Variants in MTMR8 observed in about 807,000 individuals in gnomAD.
The protein encoded by MTMR8 is myotubularin related protein 8.
In MTMR8, 65 loss-of-function variants were observed where a neutral mutation model predicts 39.3. The observed-to-expected ratio is 1.65, with a 90% CI of 1.35 to 2.03. The LOEUF (loss-of-function observed/expected upper bound fraction) is 2.03, where lower values mean the gene tolerates loss of function less well. Among genes scored for constraint, MTMR8 ranks in the 30% most tolerant of loss-of-function variants. The probability of loss-of-function intolerance (pLI) is 0.00; values close to 1 mark genes in which losing one functional copy is unlikely to be tolerated. For synonymous variants in MTMR8, 245 were observed against 185.2 expected (o/e 1.32, Z -2.62); for missense variants, 777 against 538.9 (o/e 1.44, Z -4.37).
intron 8 of MTMR8, among the ~76,000 whole-genome samples, chrX:64,338,123 C>T (rs1923123163): frequency 8.9e-6 from 1 of 111,913 alleles, no homozygotes; most frequent in African/African-American, 3.2e-5. Flanking sequence ...TAACAATATT[C>T]TTTTGCAGGA....
intron 10 of MTMR8, among the ~76,000 whole-genome samples, chrX:64,333,260 C>A (rs758325197): frequency 9.0e-6 from 1 of 111,371 alleles, no homozygotes; most frequent in African/African-American, 3.3e-5. Flanking sequence ...TTCTCATTAC[C>A]TTTACAGCTC....
At chrX:64,299,437 A>T (rs1450890290) in intron 12 of MTMR8, among the ~76,000 whole-genome samples, 1 of 107,619 alleles carries the variant, frequency 9.3e-6, no homozygotes, top group Admixed American at 1.0e-4. Context: ...CCCCTTTATC[A>T]TTTTTTATTG....
At chrX:64,287,434 T>C (rs1353696296) in intron 12 of MTMR8, among the ~76,000 whole-genome samples, 2 of 111,450 alleles carry the variant, frequency 1.8e-5, no homozygotes, top group African/African-American at 6.5e-5. Context: ...AAGCTACCAA[T>C]GACTTTCTTC....
chrX:64,365,392 C>A (rs1358328783), intron 1 of MTMR8, among the ~76,000 whole-genome samples: 1 of 111,171 alleles, frequency 9.0e-6, no homozygotes, highest in African/African-American at 3.3e-5. Flanking sequence ...GGGAAGCCCA[C>A]CAGACTAACA....
intron 4 of MTMR8, among the ~76,000 whole-genome samples, chrX:64,354,574 C>T (rs1428430233): frequency 8.9e-6 from 1 of 111,949 alleles, no homozygotes; most frequent in Non-Finnish European, 1.9e-5. Flanking sequence ...TCCCATAACA[C>T]CCTATGCTTT....
At chrX:64,277,123 T>G (rs1360858287) in intron 12 of MTMR8, among the ~76,000 whole-genome samples, 1 of 111,878 alleles carries the variant, frequency 8.9e-6, no homozygotes, top group Admixed American at 9.5e-5. Context: ...ATCCCTTTAT[T>G]TTGAGCCTAT....
chrX:64,319,956 T>C (rs921138154), intron 12 of MTMR8, among the ~76,000 whole-genome samples: 9 of 111,684 alleles, frequency 8.1e-5, no homozygotes, highest in African/African-American at 2.9e-4. Flanking sequence ...TATTGGTAGC[T>C]TGATGGGGAT....
rs1326321732 is a variant in MTMR8, at chrX:64,299,838, C to A, written c.1482-28765G>T. On this transcript the variant is annotated intron_variant, in intron 12 of 13. Coordinates refer to ENST00000374852, the MANE Select transcript of MTMR8 (RefSeq NM_017677.4). ...ACTTCTGCCTTCATTTCGTTATGTA[C>A]CCAGTAGTCATTCAGGAGCAGGTTG... Among the ~76,000 whole-genome samples, 5 of 94,374 alleles carry A rather than the reference C, an allele frequency of 5.3e-5. No individual in the cohort carries two copies. The East Asian group carries it at 1.0e-3, about 19-fold the overall frequency. The allele number at this position is 94,374 out of a possible 115,157, so 82.0% of individuals were successfully genotyped here.
chrX:64,286,160 C>A (rs1921165761), intron 12 of MTMR8, among the ~76,000 whole-genome samples: 2 of 111,856 alleles, frequency 1.8e-5, no homozygotes, highest in South Asian at 7.5e-4. Context: ...ACTGTTCCCA[C>A]AGAAATATAA....
intron 12 of MTMR8, among the ~76,000 whole-genome samples, chrX:64,311,969 AT>A (rs760714404): frequency 3.3e-4 from 36 of 110,620 alleles, no homozygotes; most frequent in African/African-American, 1.1e-3. Context: ...TTTGCTTAGG[AT>A]TGTCTTGGCA....
intron 12 of MTMR8, chrX:64,305,278 T>G (rs1922066588): frequency 5.7e-6 from 1 of 175,467 alleles, no homozygotes; most frequent in Admixed American, 7.4e-5. Flanking sequence ...TGCCTCATTT[T>G]TAGCCATTTT....
At chrX:64,360,956 G>T (rs1289666943) in intron 1 of MTMR8, among the ~76,000 whole-genome samples, 1 of 111,158 alleles carries the variant, frequency 9.0e-6, no homozygotes, top group African/African-American at 3.3e-5. Flanking sequence ...CTCCTCCACA[G>T]ATACACACAC....
At position 64,365,780 on chromosome X, in the gene MTMR8, T is replaced by C. The variant is rs192817508; in HGVS notation, c.25-6253A>G. Among the ~76,000 whole-genome samples the C allele has an allele frequency of 1.9e-4, 21 of 111,642 alleles. No individual in the cohort carries two copies. In the East Asian group the frequency reaches 4.8e-3, roughly 26 times the overall value. ...TAACAATATTAACCTTAAATGTAAA[T>C]GGGCTAAACACCCCAATTAAAAGAC... is the stretch of plus-strand genomic sequence containing the variant. On this transcript the variant is annotated intron_variant, in intron 1 of 13. Coordinates refer to ENST00000374852, the MANE Select transcript of MTMR8 (RefSeq NM_017677.4).
At chrX:64,283,046 G>A (rs769126146) in intron 12 of MTMR8, among the ~76,000 whole-genome samples, 8 of 112,301 alleles carry the variant, frequency 7.1e-5, no homozygotes, top group East Asian at 2.8e-4. Context: ...CCCAGGAAGC[G>A]CAAGGGGTCA....
In MTMR8 at chrX:64,330,089, G is replaced by T. The variant is rs557857905; in HGVS notation, c.1353-1189C>A. ...CTGTTCATGAATGAATGACACTTCT[G>T]CTTATTTTAAGTAATCACTATTTTA... On this transcript the variant is annotated intron_variant, in intron 11 of 13. Transcript: ENST00000374852. Among the ~76,000 whole-genome samples the T allele has an allele frequency of 5.5e-4, 61 of 111,542 alleles. 1 individual carries two copies. The South Asian group carries it at 0.022, about 41-fold the overall frequency.
chrX:64,332,318 C>T (rs781351575), intron 10 of MTMR8, among the ~76,000 whole-genome samples: 5 of 111,479 alleles, frequency 4.5e-5, no homozygotes, highest in Non-Finnish European at 9.4e-5. Context: ...TTTACCAACC[C>T]TATCATCGAC....
At chrX:64,285,105 T>C (rs1921110630) in intron 12 of MTMR8, among the ~76,000 whole-genome samples, 1 of 110,311 alleles carries the variant, frequency 9.1e-6, no homozygotes, top group South Asian at 3.9e-4. Flanking sequence ...ACACTTAGGC[T>C]CAAAATAAAG....
rs761253775 is a variant in MTMR8 at position 64,268,530 on chromosome X, A to T, written c.*7T>A. 1.5e-5 allele frequency: 18 copies of T among 1,196,185 alleles called. No homozygotes were observed. In the South Asian group the frequency reaches 3.2e-4, roughly 21 times the overall value. The stretch of plus-strand genomic sequence containing the variant: ...GGTATACCTAGCATGGAAGATGAGT[A>T]ACTAACTCACTGATGCTTGGAGTAG... On this transcript the variant is annotated 3_prime_UTR_variant, in exon 14 of 14. Transcript: ENST00000374852.
chrX:64,312,448 A>C (rs1396138565), intron 12 of MTMR8, among the ~76,000 whole-genome samples: 1 of 112,097 alleles, frequency 8.9e-6, no homozygotes, highest in Non-Finnish European at 1.9e-5. Flanking sequence ...CACCACTCCC[A>C]TTCAACATAG....
Sources: allele counts gnomAD v4.1 joint callset (sites outside exome capture counted in the v4.1 genomes callset), GRCh38; gene constraint gnomAD v4.1.1; transcripts MANE v1.5; gene names NCBI Gene and HGNC (gene_info 2026-07-23, HGNC 2026-07-21).